Variants in TASP1 observed in about 807,000 individuals in gnomAD.
TASP1 encodes the protein taspase 1, also known as threonine aspartase 1.
Under a neutral mutation model 56.6 loss-of-function variants are expected in TASP1, and 16 were observed. The observed-to-expected ratio is 0.28, with a 90% CI of 0.19 to 0.43. The LOEUF (loss-of-function observed/expected upper bound fraction) is 0.43, where lower values mean the gene tolerates loss of function less well. TASP1 is among the 20% of genes least tolerant of loss of function. The probability of loss-of-function intolerance (pLI) is 1.00; values close to 1 mark genes in which losing one functional copy is unlikely to be tolerated. For missense variants in TASP1, 393 were observed against 511.6 expected (o/e 0.77, Z 2.24); for synonymous variants, 179 against 184.2 (o/e 0.97, Z 0.23).
chr20:13,165,837 T>C, the TASP1 span: 1 of 152,356 alleles, frequency 6.6e-6, no homozygotes, highest in Non-Finnish European at 1.5e-5. Flanking sequence ...AAATTCTGAC[T>C]TTTTCAAGAC....
the TASP1 span, among the ~76,000 whole-genome samples, chr20:13,329,166 T>C: frequency 6.6e-6 from 1 of 152,210 alleles, no homozygotes; most frequent in African/African-American, 2.4e-5. Flanking sequence ...GAATGAATTG[T>C]GTCCCTGCCA....
chr20:13,267,206 G>C, the TASP1 span, among the ~76,000 whole-genome samples: 1 of 152,194 alleles, frequency 6.6e-6, no homozygotes, highest in Admixed American at 6.5e-5. Context: ...AATATGTTTT[G>C]AAAGAGGTGC....
chr20:13,481,316 A>G (rs1192632946), intron 11 of TASP1, among the ~76,000 whole-genome samples: 1 of 151,952 alleles, frequency 6.6e-6, no homozygotes, highest in Non-Finnish European at 1.5e-5. Flanking sequence ...TTCTTTATTC[A>G]TTCATCTGCT....
chr20:13,526,714 C>T (rs2044994393), intron 10 of TASP1, among the ~76,000 whole-genome samples: 1 of 152,074 alleles, frequency 6.6e-6, no homozygotes, highest in Non-Finnish European at 1.5e-5. Flanking sequence ...CTAAGATAGG[C>T]AGGCATGAGA....
the TASP1 span, among the ~76,000 whole-genome samples, chr20:13,159,235 G>A: frequency 6.6e-6 from 1 of 152,176 alleles, no homozygotes; most frequent in African/African-American, 2.4e-5. Context: ...GCATCAGACC[G>A]CTTTCTAGTT....
chr20:13,504,471 T>C (rs1271549788), intron 10 of TASP1, among the ~76,000 whole-genome samples: 1 of 152,108 alleles, frequency 6.6e-6, no homozygotes, highest in Non-Finnish European at 1.5e-5. Context: ...TAAAGGGAGT[T>C]CTACTAGCTG....
chr20:13,210,236 T>C, the TASP1 span, among the ~76,000 whole-genome samples: 1 of 152,210 alleles, frequency 6.6e-6, no homozygotes, highest in Non-Finnish European at 1.5e-5. Context: ...CAGTAAAATT[T>C]GTTTATCCAT....
At chr20:13,196,970 T>C in the TASP1 span, among the ~76,000 whole-genome samples, 8 of 152,182 alleles carry the variant, frequency 5.3e-5, no homozygotes, top group African/African-American at 1.9e-4. Context: ...TACTCTGGCA[T>C]ATAGTAGATT....
At chr20:13,143,175 C>T in the TASP1 span, among the ~76,000 whole-genome samples, 2 of 151,986 alleles carry the variant, frequency 1.3e-5, no homozygotes, top group Non-Finnish European at 2.9e-5. Context: ...CCAAAAAGAC[C>T]AAGAAGGAGA....
the TASP1 span, among the ~76,000 whole-genome samples, chr20:13,109,349 G>A: frequency 1.2e-4 from 18 of 152,218 alleles, no homozygotes; most frequent in Non-Finnish European, 2.2e-4. Context: ...GTGGATTACA[G>A]TACAGACTAC....
chr20:13,533,164 A>G (rs2045286487), intron 9 of TASP1, among the ~76,000 whole-genome samples: 1 of 152,102 alleles, frequency 6.6e-6, no homozygotes, highest in Admixed American at 6.6e-5. Flanking sequence ...TGTGACACTG[A>G]CTCTTCTTCA....
the TASP1 span, among the ~76,000 whole-genome samples, chr20:13,349,586 A>G: frequency 1.2e-4 from 19 of 152,312 alleles, no homozygotes; most frequent in Middle Eastern, 6.8e-3. Flanking sequence ...GGACCAGCAT[A>G]TCCAGTTTTG....
At chr20:13,354,818 G>A in the TASP1 span, among the ~76,000 whole-genome samples, 40 of 152,018 alleles carry the variant, frequency 2.6e-4, no homozygotes, top group African/African-American at 2.4e-4. Flanking sequence ...AAAAAAAAAC[G>A]GAACAAAGAA....
At chr20:13,542,603 T>TA (rs2045663816) in intron 8 of TASP1, among the ~76,000 whole-genome samples, 1 of 152,126 alleles carries the variant, frequency 6.6e-6, no homozygotes, top group Admixed American at 6.5e-5. Context: ...AACCATAAAC[T>TA]AAATCATTAA....
At chr20:13,270,542 C>G in the TASP1 span, 1 of 1,613,754 alleles carries the variant, frequency 6.2e-7, no homozygotes, top group Non-Finnish European at 8.5e-7. Context: ...CATCAGAAAC[C>G]AGCTTTTCTC....
chr20:13,630,179 T>C (rs375045661), intron 1 of TASP1, 27 bp from the exon 2 acceptor site: 4 of 1,267,986 alleles, frequency 3.2e-6, no homozygotes, highest in Non-Finnish European at 2.1e-6. Flanking sequence ...AAAGATGGTA[T>C]ACATTTCTTT....
chr20:13,213,717 T>A, the TASP1 span, among the ~76,000 whole-genome samples: 2,420 of 152,326 alleles, frequency 0.016, 30 homozygotes, highest in Non-Finnish European at 0.025. Context: ...AAAAATGACT[T>A]AGCATCTCCG....
chr20:13,480,594 C>T (rs769821053), intron 11 of TASP1, among the ~76,000 whole-genome samples: 3 of 152,156 alleles, frequency 2.0e-5, no homozygotes, highest in Admixed American at 6.5e-5. Flanking sequence ...AGATCAACTC[C>T]GTGAACAGTT....
chr20:13,605,209 G>A (rs995814410), intron 4 of TASP1, among the ~76,000 whole-genome samples: 2 of 151,912 alleles, frequency 1.3e-5, no homozygotes, highest in Admixed American at 6.6e-5. Context: ...ATAGGTATGA[G>A]GGAAATTTGA....
Sources: allele counts gnomAD v4.1 joint callset (sites outside exome capture counted in the v4.1 genomes callset), GRCh38; gene constraint gnomAD v4.1.1; transcripts MANE v1.5; gene names NCBI Gene and HGNC (gene_info 2026-07-23, HGNC 2026-07-21).